Variants in PTPRD observed in about 807,000 individuals in gnomAD.
PTPRD encodes the protein protein tyrosine phosphatase receptor type D, also known as receptor-type tyrosine-protein phosphatase delta.
PTPRD carries 34 observed loss-of-function variants against 214.5 expected under a neutral mutation model. The observed-to-expected ratio is 0.16, with a 90% CI of 0.12 to 0.21. PTPRD has a LOEUF of 0.21. Among genes scored for constraint, PTPRD ranks in the 10% least tolerant of loss-of-function variants. PTPRD has a pLI of 1.00. For missense variants in PTPRD, 2,545 were observed against 2,398.7 expected, an observed-to-expected ratio of 1.06 and a Z score of -1.27; for synonymous variants, 1,128 against 845.7, an observed-to-expected ratio of 1.33 and a Z score of -5.79.
intron 2 of PTPRD, among the ~76,000 whole-genome samples, chr9:10,346,777 AG>A (rs2154448909): frequency 1.3e-5 from 2 of 152,232 alleles, no homozygotes; most frequent in East Asian, 3.9e-4. Flanking sequence ...TGGGTGGAAA[AG>A]TTTGCACAGG....
chr9:8,354,354 C>T (rs1332220124), intron 39 of PTPRD, among the ~76,000 whole-genome samples: 1 of 152,124 alleles, frequency 6.6e-6, no homozygotes, highest in Admixed American at 6.5e-5. Context: ...TAACTATCTA[C>T]CATGACTGGT....
intron 35 of PTPRD, among the ~76,000 whole-genome samples, chr9:8,414,888 A>G (rs1589815220): frequency 1.2e-5 from 1 of 80,096 alleles, no homozygotes; most frequent in Non-Finnish European, 2.3e-5. Context: ...GGAGGGAGGG[A>G]GGGAGAGAGG....
At chr9:8,911,215 T>C (rs1394179338) in intron 11 of PTPRD, among the ~76,000 whole-genome samples, 2 of 152,198 alleles carry the variant, frequency 1.3e-5, no homozygotes, top group Non-Finnish European at 1.5e-5. Context: ...GAACTTGCTA[T>C]AAACAATGTG....
At chr9:10,093,941 G>T (rs562177558) in intron 3 of PTPRD, among the ~76,000 whole-genome samples, 5 of 151,396 alleles carry the variant, frequency 3.3e-5, no homozygotes, top group South Asian at 4.2e-4. Context: ...ACTAGAGCAG[G>T]GAGAGAGAAG....
chr9:9,479,412 A>ATT (rs2095298496), intron 8 of PTPRD, among the ~76,000 whole-genome samples: 1 of 151,856 alleles, frequency 6.6e-6, no homozygotes, highest in Non-Finnish European at 1.5e-5. Flanking sequence ...TTGAAAACTA[A>ATT]CTCAGAATTA....
chr9:10,141,235 T>G (rs2098982611), intron 3 of PTPRD, among the ~76,000 whole-genome samples: 1 of 151,986 alleles, frequency 6.6e-6, no homozygotes, highest in Admixed American at 6.6e-5. Context: ...AACATAGTGT[T>G]GGAATTTTTG....
chr9:9,102,507 T>C (rs1023387606), intron 10 of PTPRD, among the ~76,000 whole-genome samples: 4 of 152,190 alleles, frequency 2.6e-5, no homozygotes, highest in African/African-American at 9.7e-5. Context: ...TTCAGAAGCA[T>C]GTAAGCCAGA....
intron 11 of PTPRD, among the ~76,000 whole-genome samples, chr9:8,953,438 T>G (rs2099114260): frequency 6.6e-6 from 1 of 151,930 alleles, no homozygotes; most frequent in East Asian, 1.9e-4. Context: ...ATATCAGCCT[T>G]GGCAAAGAAT....
At chr9:9,424,371 A>G (rs539551993) in intron 8 of PTPRD, among the ~76,000 whole-genome samples, 1 of 152,328 alleles carries the variant, frequency 6.6e-6, no homozygotes, top group East Asian at 1.9e-4. Flanking sequence ...GGATTTTGGA[A>G]TCTGTCAACC....
chr9:10,263,087 C>G (rs1458584113), intron 3 of PTPRD, among the ~76,000 whole-genome samples: 1 of 152,076 alleles, frequency 6.6e-6, no homozygotes, highest in Non-Finnish European at 1.5e-5. Context: ...TGAGGCCTCC[C>G]CAGCCATGTG....
chr9:9,646,762 A>G (rs1325896983), intron 7 of PTPRD, among the ~76,000 whole-genome samples: 1 of 152,182 alleles, frequency 6.6e-6, no homozygotes, highest in Non-Finnish European at 1.5e-5. Context: ...CTATACATGC[A>G]TATCTATAAT....
chr9:9,238,210 G>C (rs917635372), intron 9 of PTPRD, among the ~76,000 whole-genome samples: 1 of 151,986 alleles, frequency 6.6e-6, no homozygotes, highest in Non-Finnish European at 1.5e-5. Context: ...TCATGAATAA[G>C]TTTCTCTCAG....
intron 11 of PTPRD, among the ~76,000 whole-genome samples, chr9:8,857,379 C>A (rs1180908714): frequency 6.6e-6 from 1 of 152,190 alleles, no homozygotes; most frequent in Non-Finnish European, 1.5e-5. Context: ...TACCCGGACA[C>A]CCCCATTCTC....
At chr9:10,004,749 C>T (rs2096432435) in intron 4 of PTPRD, among the ~76,000 whole-genome samples, 1 of 151,988 alleles carries the variant, frequency 6.6e-6, no homozygotes, top group African/African-American at 2.4e-5. Context: ...CAATGGTTCC[C>T]AAGTACAACC....
intron 9 of PTPRD, among the ~76,000 whole-genome samples, chr9:9,269,335 T>G (rs924970189): frequency 6.6e-6 from 1 of 151,236 alleles, no homozygotes; most frequent in African/African-American, 2.4e-5. Flanking sequence ...AGGATGGCCA[T>G]TAGCAAAAAG....
chr9:10,569,914 A>T (rs2066890671), intron 2 of PTPRD, among the ~76,000 whole-genome samples: 1 of 152,114 alleles, frequency 6.6e-6, no homozygotes, highest in South Asian at 2.1e-4. Context: ...AGTGTTACTC[A>T]TTAGATATAC....
chr9:8,471,195 G>A (rs1341636777), intron 30 of PTPRD, 110 bp from the exon 31 acceptor site: 2 of 809,594 alleles, frequency 2.5e-6, no homozygotes, highest in Non-Finnish European at 4.3e-6. Context: ...TATGGATATG[G>A]GGTGACTTGT....
intron 35 of PTPRD, among the ~76,000 whole-genome samples, chr9:8,416,481 A>G (rs1181283753): frequency 1.3e-5 from 2 of 152,206 alleles, no homozygotes; most frequent in Non-Finnish European, 2.9e-5. Flanking sequence ...AGAGAGTTGC[A>G]GAATACTTTT....
chr9:10,415,439 T>C (rs1458542601), intron 2 of PTPRD, among the ~76,000 whole-genome samples: 1 of 151,914 alleles, frequency 6.6e-6, no homozygotes, highest in African/African-American at 2.4e-5. Flanking sequence ...ATATTTGCCA[T>C]TAGAATGGTT....
Sources: gnomAD v4.1 joint callset for allele counts (sites outside exome capture counted in the v4.1 genomes callset) on GRCh38, gnomAD v4.1.1 for gene constraint, MANE v1.5 for transcripts, NCBI Gene and HGNC (gene_info 2026-07-23, HGNC 2026-07-21) for gene names.